Variants in NYAP2 observed in about 807,000 individuals in gnomAD.
NYAP2 encodes neuronal tyrosine-phosphorylated phosphoinositide-3-kinase adapter 2.
Under a neutral mutation model 50.4 loss-of-function variants are expected in NYAP2, and 23 were observed. The ratio of observed to expected loss-of-function variants is 0.46; its 90% CI spans 0.33 to 0.65. The LOEUF is 0.65. Among genes scored for constraint, NYAP2 ranks in the 30% least tolerant of loss-of-function variants. The pLI is 0.02. For synonymous variants in NYAP2, 394 were observed against 365.2 expected (o/e 1.08, Z -0.90); for missense variants, 885 against 861.0 (o/e 1.03, Z -0.35).
exon 3 of NYAP2, chr2:225,408,903 G>A (rs756845539): frequency 9.9e-6 from 16 of 1,609,734 alleles, no homozygotes. Flanking sequence ...AAGATGATGA[G>A]TTCTAATCCT....
intron 6 of NYAP2, 51 bp downstream of exon 6, chr2:225,627,177 C>A (rs569709468): frequency 1.5e-6 from 2 of 1,340,832 alleles, no homozygotes; most frequent in African/African-American, 1.5e-5. Flanking sequence ...TCTCTAGAGA[C>A]TACTTTCATG....
chr2:225,626,965 C>G, exon 6 of NYAP2: 1 of 1,585,698 alleles, frequency 6.3e-7, no homozygotes, highest in South Asian at 1.2e-5. Context: ...GAGCCATTAC[C>G]AAAGTTGGAC....
At chr2:225,508,617 G>A (rs929330037) in intron 3 of NYAP2, among the ~76,000 whole-genome samples, 4 of 152,198 alleles carry the variant, frequency 2.6e-5, no homozygotes, top group Non-Finnish European at 5.9e-5. Context: ...TGTAGAAGGA[G>A]AGGGGGAGGA....
At chr2:225,663,055 T>G in the NYAP2 span, among the ~76,000 whole-genome samples, 1 of 152,240 alleles carries the variant, frequency 6.6e-6, no homozygotes, top group Non-Finnish European at 1.5e-5. Context: ...TTCGTTTATT[T>G]AAAACATGGG....
exon 2 of NYAP2, chr2:225,400,767 C>T (rs1694846136): frequency 6.6e-6 from 1 of 152,336 alleles, no homozygotes. Context: ...TCCGCCACTG[C>T]ATCTTCCTAG....
At chr2:225,700,397 T>G in the NYAP2 span, 1 of 151,624 alleles carries the variant, frequency 6.6e-6, no homozygotes, top group Non-Finnish European at 1.5e-5. Flanking sequence ...AGGTTCTGCT[T>G]GTATAATTGA....
chr2:225,592,768 CTTGA>C (rs1692531035), intron 5 of NYAP2, among the ~76,000 whole-genome samples: 1 of 152,100 alleles, frequency 6.6e-6, no homozygotes, highest in African/African-American at 2.4e-5. Context: ...CGCAGCTGTC[CTTGA>C]TTGATGCAGG....
At chr2:225,595,717 T>A (rs1692584464) in intron 5 of NYAP2, among the ~76,000 whole-genome samples, 1 of 152,218 alleles carries the variant, frequency 6.6e-6, no homozygotes, top group Non-Finnish European at 1.5e-5. Flanking sequence ...TATGGCTCTT[T>A]AATATAAACC....
chr2:225,518,176 C>A (rs910181948), intron 4 of NYAP2, among the ~76,000 whole-genome samples: 3 of 151,710 alleles, frequency 2.0e-5, no homozygotes, highest in African/African-American at 7.3e-5. Context: ...ACTATTCAGT[C>A]ATAAAAAGGA....
intron 3 of NYAP2, among the ~76,000 whole-genome samples, chr2:225,501,247 G>T (rs1690601311): frequency 6.6e-6 from 1 of 152,148 alleles, no homozygotes; most frequent in Non-Finnish European, 1.5e-5. Flanking sequence ...GATCTCATAA[G>T]CATACAATCT....
At chr2:225,566,655 A>G (rs1309196030) in intron 4 of NYAP2, among the ~76,000 whole-genome samples, 2 of 152,192 alleles carry the variant, frequency 1.3e-5, no homozygotes, top group Non-Finnish European at 2.9e-5. Context: ...ACTTCCTTTC[A>G]CTGTAGGTAG....
intron 4 of NYAP2, among the ~76,000 whole-genome samples, chr2:225,548,211 G>A (rs978758162): frequency 6.6e-6 from 1 of 151,206 alleles, no homozygotes; most frequent in Admixed American, 6.6e-5. Flanking sequence ...AACATTATTT[G>A]TGACATTTCC....
intron 3 of NYAP2, among the ~76,000 whole-genome samples, chr2:225,479,343 C>A (rs1310316211): frequency 1.3e-5 from 2 of 151,982 alleles, no homozygotes; most frequent in Non-Finnish European, 2.9e-5. Context: ...ATAAGTTGTC[C>A]TAAATTAACA....
In NYAP2 at chr2:225,578,591, G is replaced by A. The variant is rs577190716; in HGVS notation, c.524-3350G>A. On this transcript the variant is annotated intron_variant, in intron 4 of 6. Coordinates refer to ENST00000636099, the Ensembl canonical transcript of NYAP2. The stretch of plus-strand genomic sequence containing the variant: ...AGGACAAGCCATGTGGTGGAAGGGT[G>A]CTCTTGGCCCATGTATGGGATAAGC... 3.7e-4 allele frequency among the ~76,000 whole-genome samples: 56 copies of A among 152,324 alleles called. No individual in the cohort carries two copies. The South Asian group carries it at 0.011, about 31-fold the overall frequency.
In NYAP2 at chr2:225,582,358, C is replaced by T. The variant is rs767937385; in HGVS notation, c.941C>T (p.Pro314Leu). 2.5e-6 allele frequency: 4 copies of T among 1,612,976 alleles called. No individual in the cohort carries two copies. The change falls in exon 5 of 7, where the codon CCC (proline) becomes CTC (leucine). Residue 314 changes from proline (P) to leucine (L), a missense_variant. By Grantham distance (98) the Pro-to-Leu change is moderately conservative (BLOSUM62 -3). Transcript: ENST00000636099. This position sits in a 1 kb window ranked among gnomAD's most constrained non-coding sequence, Gnocchi z 7.0. ...TTCGCCAAGGCCTCAGTGCCATGCC[C>T]CCCCAAGGGGCTGCTTTGCGACATC...
At chr2:225,639,469 T>C (rs1157040500) in intron 6 of NYAP2, among the ~76,000 whole-genome samples, 1 of 152,110 alleles carries the variant, frequency 6.6e-6, no homozygotes, top group African/African-American at 2.4e-5. Context: ...TATCTGACAT[T>C]TTTTTCTTTT....
At chr2:225,602,569 A>T (rs568931584) in intron 5 of NYAP2, among the ~76,000 whole-genome samples, 1 of 151,822 alleles carries the variant, frequency 6.6e-6, no homozygotes, top group African/African-American at 2.4e-5. Context: ...TTTCCCCTGC[A>T]TTTTTTTCTA....
intron 3 of NYAP2, among the ~76,000 whole-genome samples, chr2:225,412,484 T>G (rs1003995953): frequency 2.0e-5 from 3 of 151,752 alleles, no homozygotes; most frequent in African/African-American, 4.8e-5. Flanking sequence ...AGAGGACATA[T>G]GCCACATTAT....
chr2:225,466,632 G>T (rs1319188861), intron 3 of NYAP2, among the ~76,000 whole-genome samples: 1 of 152,112 alleles, frequency 6.6e-6, no homozygotes, highest in African/African-American at 2.4e-5. Flanking sequence ...ACATGCAAAA[G>T]GAGAGAACCA....
Sources: allele counts gnomAD v4.1 joint callset (sites outside exome capture counted in the v4.1 genomes callset), GRCh38; gene constraint gnomAD v4.1.1; non-coding constraint Gnocchi (gnomAD v3.1); transcripts MANE v1.5; gene names NCBI Gene and HGNC (gene_info 2026-07-23, HGNC 2026-07-21).